GTF2H5: variants seen among roughly 807,000 people sequenced by gnomAD.
The protein encoded by GTF2H5 is general transcription factor IIH subunit 5.
GTF2H5 carries 5 observed loss-of-function variants against 7.1 expected under a neutral mutation model. The observed-to-expected ratio is 0.71, with a 90% CI of 0.37 to 1.49. The LOEUF is 1.49. GTF2H5 is among the 40% of genes most tolerant of loss of function. The pLI is 0.03. For missense variants in GTF2H5, 80 were observed against 83.0 expected (o/e 0.96, Z 0.14); for synonymous variants, 30 against 31.7 (o/e 0.95, Z 0.18).
chr6:158,175,836 G>A (rs1785925783), intron 2 of GTF2H5, among the ~76,000 whole-genome samples: 1 of 152,056 alleles, frequency 6.6e-6, no homozygotes, highest in Non-Finnish European at 1.5e-5. Flanking sequence ...GCTAGAAAAA[G>A]AAATTTGTTG....
At chr6:158,187,364 G>GGA (rs1161936842) in intron 2 of GTF2H5, among the ~76,000 whole-genome samples, 1 of 152,092 alleles carries the variant, frequency 6.6e-6, no homozygotes, top group African/African-American at 2.4e-5. Flanking sequence ...GGAAAGGAAT[G>GGA]GAGAGTCTCT....
intron 1 of GTF2H5, among the ~76,000 whole-genome samples, chr6:158,169,630 G>A (rs1420154386): frequency 1.4e-5 from 1 of 73,174 alleles, no homozygotes; most frequent in Admixed American, 2.6e-4. Context: ...ATAATATATT[G>A]TATATTACAT....
intron 2 of GTF2H5, among the ~76,000 whole-genome samples, chr6:158,189,815 T>G (rs1057418705): frequency 6.6e-6 from 1 of 152,224 alleles, no homozygotes; most frequent in Non-Finnish European, 1.5e-5. Context: ...CCAGTCATGC[T>G]TTCCCTATTA....
intron 2 of GTF2H5, among the ~76,000 whole-genome samples, chr6:158,175,925 G>A (rs1406218472): frequency 2.0e-5 from 3 of 152,182 alleles, no homozygotes; most frequent in Non-Finnish European, 2.9e-5. Context: ...AAATGACACT[G>A]TACAATGATG....
chr6:158,177,266 A>G (rs1452611445), intron 2 of GTF2H5, among the ~76,000 whole-genome samples: 2 of 152,258 alleles, frequency 1.3e-5, no homozygotes, highest in African/African-American at 4.8e-5. Flanking sequence ...AATATTCTGT[A>G]GTCCATCAAC....
rs1341007357 is a variant in GTF2H5 at position 158,192,690 on chromosome 6, A to T, written c.*533A>T. On this transcript the variant is annotated 3_prime_UTR_variant, in exon 3 of 3. Coordinates refer to ENST00000607778, the MANE Select transcript of GTF2H5 (RefSeq NM_207118.3). ...CCCTGAAAACAGAATATTGTTTTTA[A>T]GAGGGTTAGAAACAACCAGTGGGAA... 1 of 159,730 alleles carries T rather than the reference A, an allele frequency of 6.3e-6. No homozygotes were observed. The highest frequency in any genetic ancestry group is 6.0e-5 in the Admixed American group (1 of 16,750). The allele number at this position is 159,730 out of a possible 1,614,324, so 9.9% of individuals were successfully genotyped here. A position where few individuals can be genotyped will look rare whatever the true frequency, so the allele number is the denominator to read the frequency against.
chr6:158,189,752 G>T (rs1776989619), intron 2 of GTF2H5, among the ~76,000 whole-genome samples: 1 of 152,208 alleles, frequency 6.6e-6, no homozygotes, highest in Non-Finnish European at 1.5e-5. Flanking sequence ...GTAAAGAGAA[G>T]ACTTGGTTCT....
intron 2 of GTF2H5, among the ~76,000 whole-genome samples, chr6:158,190,404 A>T (rs1777006563): frequency 6.6e-6 from 1 of 152,022 alleles, no homozygotes; most frequent in African/African-American, 2.4e-5. Context: ...CATCACCTCC[A>T]CTATTACCAC....
At chr6:158,176,551 G>T (rs571586765) in intron 2 of GTF2H5, among the ~76,000 whole-genome samples, 3 of 152,102 alleles carry the variant, frequency 2.0e-5, no homozygotes. Flanking sequence ...AAGGATATAC[G>T]TATGTCTTAG....
Position 158,184,908 on chromosome 6 carries a change from A to G in GTF2H5, c.36-7069A>G, listed in dbSNP as rs139567040. ...AGTCATACTTTATAGGAGCTATACTAAGCTTCTTTAGGAGAAGGTTTCATG... is the reference window on the plus strand; with the variant it reads ...AGTCATACTTTATAGGAGCTATACTGAGCTTCTTTAGGAGAAGGTTTCATG... On this transcript the variant is annotated intron_variant, in intron 2 of 2. Transcript: ENST00000607778. 8.1e-3 allele frequency among the ~76,000 whole-genome samples: 1,238 copies of G among 152,274 alleles called. 19 individuals are homozygous for G. Among genetic ancestry groups the G allele is most frequent in the African/African-American group, 0.028 (1,163 of 41,544 alleles).
chr6:158,184,595 G>T (rs1776876565), intron 2 of GTF2H5, among the ~76,000 whole-genome samples: 1 of 152,122 alleles, frequency 6.6e-6, no homozygotes, highest in Non-Finnish European at 1.5e-5. Flanking sequence ...CCATATCTCA[G>T]ATTGAACAAA....
chr6:158,170,373 T>C, intron 1 of GTF2H5, 97 bp from the exon 2 acceptor site: 1 of 714,336 alleles, frequency 1.4e-6, no homozygotes. Context: ...TGTTAAATAT[T>C]GACATTTAAT....
chr6:158,171,314 T>C (rs888510405), intron 2 of GTF2H5, among the ~76,000 whole-genome samples: 5 of 152,234 alleles, frequency 3.3e-5, no homozygotes, highest in African/African-American at 1.2e-4. Flanking sequence ...GAACACATAC[T>C]AAGTCTTCAA....
At chr6:158,191,075 C>A in intron 2 of GTF2H5, 1 of 350,254 alleles carries the variant, frequency 2.9e-6, no homozygotes, top group Non-Finnish European at 5.6e-6. Flanking sequence ...GACATTATCT[C>A]CTTTAATTTC....
intron 2 of GTF2H5, among the ~76,000 whole-genome samples, chr6:158,177,613 G>A (rs1785950758): frequency 6.6e-6 from 1 of 152,206 alleles, no homozygotes; most frequent in South Asian, 2.1e-4. Context: ...GGTTAAATGT[G>A]CAGAACGTAC....
chr6:158,174,145 C>T (rs963566533), intron 2 of GTF2H5, among the ~76,000 whole-genome samples: 6 of 152,106 alleles, frequency 3.9e-5, no homozygotes, highest in African/African-American at 1.4e-4. Context: ...TACTGTCTCT[C>T]TTGTCTTGGA....
chr6:158,182,404 G>A (rs926787140), intron 2 of GTF2H5, among the ~76,000 whole-genome samples: 11 of 152,094 alleles, frequency 7.2e-5, no homozygotes, highest in African/African-American at 2.7e-4. Flanking sequence ...TGTATTTCCC[G>A]AATTTCAATG....
chr6:158,168,949 A>G (rs1372180379), intron 1 of GTF2H5, among the ~76,000 whole-genome samples: 1 of 145,204 alleles, frequency 6.9e-6, no homozygotes, highest in Non-Finnish European at 1.5e-5. Flanking sequence ...AATACAATAA[A>G]TTGGCCTGGC....
chr6:158,171,222 G>C (rs1166212231), intron 2 of GTF2H5, among the ~76,000 whole-genome samples: 1 of 152,148 alleles, frequency 6.6e-6, no homozygotes, highest in Non-Finnish European at 1.5e-5. Context: ...ATTTTTTCTA[G>C]CCATCTTAAA....
Sources: gnomAD v4.1 joint callset for allele counts (sites outside exome capture counted in the v4.1 genomes callset) on GRCh38, gnomAD v4.1.1 for gene constraint, MANE v1.5 for transcripts, NCBI Gene and HGNC (gene_info 2026-07-23, HGNC 2026-07-21) for gene names.